The following TTLL6 variants were observed in gnomAD, a reference collection of about 807,000 sequenced individuals.
TTLL6 encodes tubulin tyrosine ligase like 6.
Under a neutral mutation model 96.4 loss-of-function variants are expected in TTLL6, and 75 were observed. The observed-to-expected ratio is 0.78, with a 90% CI of 0.65 to 0.94. The LOEUF is 0.94. TTLL6 is among the 40% of genes least tolerant of loss of function. The pLI, the probability that TTLL6 is intolerant of heterozygous loss-of-function variation, is 0.00. For missense variants in TTLL6, 1,030 were observed against 1,093.0 expected (o/e 0.94, Z 0.81); for synonymous variants, 411 against 419.4 (o/e 0.98, Z 0.24).
chr17:48,804,486 A>G, intron 2 of TTLL6: 1 of 574,524 alleles, frequency 1.7e-6, no homozygotes, highest in Non-Finnish European at 3.3e-6. Context: ...TTCTTAAAAC[A>G]AGGAAATCTT....
At chr17:48,793,877 C>T (rs1396571229) in intron 8 of TTLL6, among the ~76,000 whole-genome samples, 1 of 152,178 alleles carries the variant, frequency 6.6e-6, no homozygotes, top group Non-Finnish European at 1.5e-5. Flanking sequence ...TGTCCAAGCT[C>T]TCCACCCCTG....
intron 6 of TTLL6, 84 bp from the exon 7 acceptor site, chr17:48,797,288 G>C (rs2039333925): frequency 5.6e-6 from 8 of 1,424,646 alleles, no homozygotes; most frequent in South Asian, 1.4e-5. Flanking sequence ...TGTTTCCATG[G>C]AGTTGGCTCC....
At chr17:48,810,734 T>C (rs2143488774) in intron 1 of TTLL6, among the ~76,000 whole-genome samples, 1 of 146,200 alleles carries the variant, frequency 6.8e-6, no homozygotes, top group Non-Finnish European at 1.5e-5. Context: ...ATATATAGTA[T>C]GTGTGTATAT....
Position 48,791,601 on chromosome 17 carries a change from T to C in TTLL6, c.1001A>G (p.Lys334Arg). Residue 334 changes from lysine to arginine, a missense_variant and splice_region_variant, in exon 9 of 16, where the codon AAG becomes AGG. By Grantham distance (26) the Lys-to-Arg change is conservative. Transcript: ENST00000393382. ...CAAGTATGCACTGAAGGTGGAGAGC[T>C]TCCTGGAAGGGAACCACAGGCCAGG... ...SRDAHSGSKR[K>R]LSTFSAYLED... 6.2e-7 allele frequency: 1 copy of C among 1,607,158 alleles called. No individual in the cohort carries two copies. Among genetic ancestry groups the C allele is most frequent in the African/African-American group, 1.3e-5 (1 of 74,916 alleles).
At chr17:48,770,513 A>G (rs980841402) in intron 13 of TTLL6, among the ~76,000 whole-genome samples, 6 of 149,162 alleles carry the variant, frequency 4.0e-5, no homozygotes, top group African/African-American at 7.4e-5. Flanking sequence ...TGTTGTTGTT[A>G]TTATTATTAT....
chr17:48,770,569 C>T (rs993017139), intron 13 of TTLL6, among the ~76,000 whole-genome samples: 2 of 149,204 alleles, frequency 1.3e-5, no homozygotes, highest in Admixed American at 1.4e-4. Flanking sequence ...CTGGCTGGAG[C>T]GCAGTGGTGC....
chr17:48,795,709 G>A (rs1314388347), intron 8 of TTLL6, among the ~76,000 whole-genome samples: 1 of 152,168 alleles, frequency 6.6e-6, no homozygotes, highest in Non-Finnish European at 1.5e-5. Context: ...TCCTTCTCAC[G>A]TGGCAGACTA....
intron 11 of TTLL6, among the ~76,000 whole-genome samples, chr17:48,787,244 C>A (rs1393929717): frequency 6.6e-6 from 1 of 152,174 alleles, no homozygotes; most frequent in Non-Finnish European, 1.5e-5. Context: ...GGAGTTTACG[C>A]CTGTGTGAAT....
In TTLL6 at chr17:48,799,755, C is replaced by A; in HGVS notation, c.617G>T (p.Gly206Val). The part of the protein sequence containing the change: ...PRTWCLPADW[G>V]DLQTYSRSRK... ...TGACCTGCTGTAGGTCTGCAAATCT[C>A]CCCAGCTACCAGAGCAGGGAGGGAA... The change falls in exon 6 of 16, where the codon GGA (glycine) becomes GTA (valine). Residue 206 changes from glycine to valine, a missense_variant. Coordinates refer to ENST00000393382, the MANE Select transcript of TTLL6 (RefSeq NM_001130918.3). 1 of 1,551,506 alleles carries A rather than the reference C, an allele frequency of 6.4e-7. No homozygotes were observed. Among genetic ancestry groups the A allele is most frequent in the Non-Finnish European group, 8.7e-7 (1 of 1,146,892 alleles).
intron 13 of TTLL6, among the ~76,000 whole-genome samples, chr17:48,770,534 T>TTATTATTATTATTATTATTATTA (rs2038721801): frequency 1.1e-5 from 1 of 94,896 alleles, no homozygotes; most frequent in Non-Finnish European, 2.4e-5. Flanking sequence ...TATTATTATT[T>TTATTATTATTATTATTATTATTA]GAGACAGGGT....
intron 15 of TTLL6, among the ~76,000 whole-genome samples, chr17:48,763,827 C>CA (rs911083235): frequency 1.1e-4 from 16 of 151,412 alleles, no homozygotes; most frequent in African/African-American, 2.2e-4. Context: ...AACAAACAAA[C>CA]AAAAAAACAG....
At chr17:48,795,940 T>C in intron 8 of TTLL6, 121 bp downstream of exon 8, 3 of 761,088 alleles carry the variant, frequency 3.9e-6, no homozygotes. Context: ...AGGAGTATAT[T>C]CTCAGACCAT....
intron 15 of TTLL6, among the ~76,000 whole-genome samples, chr17:48,767,155 G>T (rs953604584): frequency 6.6e-6 from 1 of 151,970 alleles, no homozygotes; most frequent in East Asian, 1.9e-4. Flanking sequence ...TGCCCACCTC[G>T]GCCTCCCAAA....
At chr17:48,770,176 T>G in intron 13 of TTLL6, 79 bp from the exon 14 acceptor site, 1 of 1,497,836 alleles carries the variant, frequency 6.7e-7, no homozygotes, top group Non-Finnish European at 8.9e-7. Context: ...TTATTTTTAT[T>G]TTTTGAGACA....
chr17:48,790,880 C>G (rs1466321084), intron 9 of TTLL6, among the ~76,000 whole-genome samples: 3 of 152,202 alleles, frequency 2.0e-5, no homozygotes, highest in African/African-American at 7.2e-5. Flanking sequence ...GCTTCTCCTC[C>G]TCCTCACACT....
intron 13 of TTLL6, among the ~76,000 whole-genome samples, chr17:48,782,308 G>A (rs912006972): frequency 6.6e-6 from 1 of 151,826 alleles, no homozygotes; most frequent in African/African-American, 2.4e-5. Flanking sequence ...GTTTCACCAC[G>A]TTGGCCAGGC....
intron 1 of TTLL6, among the ~76,000 whole-genome samples, chr17:48,808,715 C>A (rs1567737139): frequency 6.6e-6 from 1 of 152,096 alleles, no homozygotes; most frequent in Non-Finnish European, 1.5e-5. Flanking sequence ...ATTACAGGCA[C>A]CTGCCACCAC....
intron 1 of TTLL6, among the ~76,000 whole-genome samples, chr17:48,807,050 T>A (rs1242196253): frequency 6.6e-6 from 1 of 152,000 alleles, no homozygotes. Context: ...ATTAATTAAT[T>A]AATTAATTTA....
chr17:48,782,149 A>C (rs2038998877), intron 13 of TTLL6, among the ~76,000 whole-genome samples: 1 of 136,150 alleles, frequency 7.3e-6, no homozygotes, highest in Non-Finnish European at 1.5e-5. Flanking sequence ...TCTATTGCCC[A>C]GGCTGTGGGG....
Sources: allele counts gnomAD v4.1 joint callset (sites outside exome capture counted in the v4.1 genomes callset), GRCh38; gene constraint gnomAD v4.1.1; transcripts MANE v1.5; gene names NCBI Gene and HGNC (gene_info 2026-07-23, HGNC 2026-07-21).